Variants in NAALADL2 observed in about 807,000 individuals in gnomAD.
The protein encoded by NAALADL2 is N-acetylated alpha-linked acidic dipeptidase like 2.
Under a neutral mutation model 87.2 loss-of-function variants are expected in NAALADL2, and 76 were observed. The observed-to-expected ratio is 0.87, with a 90% CI of 0.72 to 1.05. The LOEUF (loss-of-function observed/expected upper bound fraction) is 1.05, where lower values mean the gene tolerates loss of function less well. Among genes scored for constraint, NAALADL2 ranks in the 50% least tolerant of loss-of-function variants. The pLI, the probability that NAALADL2 is intolerant of heterozygous loss-of-function variation, is 0.00. For synonymous variants in NAALADL2, 354 were observed against 331.0 expected, an observed-to-expected ratio of 1.07 and a Z score of -0.75; for missense variants, 1,089 against 945.8, an observed-to-expected ratio of 1.15 and a Z score of -1.99.
At chr3:174,785,397 G>A (rs1326349914) in intron 3 of NAALADL2, among the ~76,000 whole-genome samples, 1 of 152,054 alleles carries the variant, frequency 6.6e-6, no homozygotes, top group Non-Finnish European at 1.5e-5. Context: ...ATTAAATAAG[G>A]AGCTCTTTCA....
intron 11 of NAALADL2, among the ~76,000 whole-genome samples, chr3:175,728,579 T>C (rs959083564): frequency 2.0e-5 from 3 of 152,142 alleles, no homozygotes; most frequent in African/African-American, 7.2e-5. Context: ...ATCCACAGGA[T>C]ATTTGTTGTT....
At chr3:175,260,658 A>G (rs1750871454) in intron 4 of NAALADL2, among the ~76,000 whole-genome samples, 1 of 152,156 alleles carries the variant, frequency 6.6e-6, no homozygotes, top group African/African-American at 2.4e-5. Flanking sequence ...CTAAATGAAC[A>G]TTTTGTCTGG....
chr3:175,270,505 T>A (rs1451403775), intron 4 of NAALADL2, among the ~76,000 whole-genome samples: 1 of 152,176 alleles, frequency 6.6e-6, no homozygotes, highest in Admixed American at 6.5e-5. Flanking sequence ...TGAATTGCTG[T>A]TGAATTTGTT....
chr3:174,917,390 T>A lies in NAALADL2; in HGVS notation c.43+57940T>A, dbSNP rs183638210. The stretch of plus-strand genomic sequence containing the variant: ...TACATTCAGAATGCTTGGTCACGAC[T>A]TTAATTGAATGACATTGAACAAAGA... On this transcript the variant is annotated intron_variant, in intron 1 of 13. Transcript: ENST00000454872. 3.3e-5 allele frequency among the ~76,000 whole-genome samples: 5 copies of A among 152,268 alleles called. No homozygotes were observed. In the East Asian group the frequency reaches 7.7e-4, roughly 23 times the overall value.
At chr3:175,138,119 C>G (rs1444360852) in intron 2 of NAALADL2, among the ~76,000 whole-genome samples, 1 of 152,006 alleles carries the variant, frequency 6.6e-6, no homozygotes, top group Non-Finnish European at 1.5e-5. Context: ...AAAGGAGTTT[C>G]AAAACAGAGG....
intron 1 of NAALADL2, among the ~76,000 whole-genome samples, chr3:174,886,245 C>T (rs1045906279): frequency 6.6e-6 from 1 of 151,942 alleles, no homozygotes; most frequent in Non-Finnish European, 1.5e-5. Flanking sequence ...AACTTGGAGT[C>T]CAGTGTTTGA....
chr3:174,845,096 C>T (rs1477351810), intron 3 of NAALADL2, among the ~76,000 whole-genome samples: 1 of 152,032 alleles, frequency 6.6e-6, no homozygotes, highest in Non-Finnish European at 1.5e-5. Flanking sequence ...TCACTGAGAT[C>T]CAGAAGAGAG....
Position 175,768,634 on chromosome 3 carries a change from G to A in NAALADL2, c.2189+13216G>A, listed in dbSNP as rs147600784. Among the ~76,000 whole-genome samples the A allele has an allele frequency of 3.5e-4, 53 of 152,272 alleles. No homozygotes were observed. The East Asian group carries it at 9.9e-3, about 28-fold the overall frequency. ...GGAGGCCAAGGTGGGCAGATCACTT[G>A]AGGTCGGGAATTTGAGACCAGCATG... On this transcript the variant is annotated intron_variant, in intron 13 of 13. Coordinates refer to ENST00000454872, the MANE Select transcript of NAALADL2 (RefSeq NM_207015.3).
chr3:174,785,005 T>G (rs888662799), intron 3 of NAALADL2, among the ~76,000 whole-genome samples: 1 of 152,182 alleles, frequency 6.6e-6, no homozygotes, highest in African/African-American at 2.4e-5. Flanking sequence ...CCTTTTTAAT[T>G]TAATTTTTAA....
intron 2 of NAALADL2, among the ~76,000 whole-genome samples, chr3:175,207,147 A>G (rs963803151): frequency 2.6e-5 from 4 of 152,170 alleles, no homozygotes; most frequent in Admixed American, 2.0e-4. Context: ...AAAGGACTCA[A>G]TATTTCTTTA....
At chr3:175,085,942 G>A (rs1718814541) in intron 1 of NAALADL2, among the ~76,000 whole-genome samples, 1 of 152,180 alleles carries the variant, frequency 6.6e-6, no homozygotes, top group Admixed American at 6.5e-5. Flanking sequence ...TTTATTTGGG[G>A]GTAATAGACA....
intron 12 of NAALADL2, among the ~76,000 whole-genome samples, chr3:175,750,152 G>A (rs1746452641): frequency 6.6e-6 from 1 of 152,144 alleles, no homozygotes; most frequent in Non-Finnish European, 1.5e-5. Context: ...TAATTAGTGG[G>A]AGAACTGGGG....
intron 2 of NAALADL2, among the ~76,000 whole-genome samples, chr3:174,690,433 A>T (rs553419853): frequency 1.3e-5 from 2 of 152,316 alleles, no homozygotes; most frequent in Admixed American, 6.5e-5. Context: ...TAAATTAAGC[A>T]TATCTTAAAT....
intron 5 of NAALADL2, among the ~76,000 whole-genome samples, chr3:175,380,405 A>G (rs1767655173): frequency 6.6e-6 from 1 of 152,102 alleles, no homozygotes; most frequent in Non-Finnish European, 1.5e-5. Flanking sequence ...CCAGCTTGAC[A>G]CTTTTCAGTG....
At chr3:175,490,117 GGTA>G (rs1237067896) in intron 9 of NAALADL2, among the ~76,000 whole-genome samples, 5 of 152,216 alleles carry the variant, frequency 3.3e-5, no homozygotes, top group African/African-American at 1.2e-4. Context: ...GAGCCAATGA[GGTA>G]GTGAGATGTT....
intron 4 of NAALADL2, among the ~76,000 whole-genome samples, chr3:175,260,291 C>G (rs1416619745): frequency 6.6e-6 from 1 of 152,008 alleles, no homozygotes; most frequent in Admixed American, 6.6e-5. Flanking sequence ...TAGAATGCCC[C>G]TTGAGACAGA....
At chr3:175,169,102 T>C in intron 2 of NAALADL2, among the ~76,000 whole-genome samples, 1 of 151,790 alleles carries the variant, frequency 6.6e-6, no homozygotes, top group Non-Finnish European at 1.5e-5. Context: ...ATCTTCATGA[T>C]TGAAGTGGAT....
intron 1 of NAALADL2, among the ~76,000 whole-genome samples, chr3:174,866,575 TTGTC>T (rs1047370805): frequency 6.6e-6 from 1 of 151,822 alleles, no homozygotes; most frequent in Admixed American, 6.6e-5. Context: ...GCTTACTCAA[TTGTC>T]TGTCCCAGAG....
intron 1 of NAALADL2, among the ~76,000 whole-genome samples, chr3:174,884,140 C>G (rs1322599744): frequency 1.3e-5 from 2 of 152,110 alleles, no homozygotes; most frequent in Admixed American, 6.5e-5. Context: ...ACCTCTAGGA[C>G]AGCAGAATGT....
Sources: gnomAD v4.1 joint callset for allele counts (sites outside exome capture counted in the v4.1 genomes callset) on GRCh38, gnomAD v4.1.1 for gene constraint, MANE v1.5 for transcripts, NCBI Gene and HGNC (gene_info 2026-07-23, HGNC 2026-07-21) for gene names.